The following APLP2 variants were observed in gnomAD, a reference collection of about 807,000 sequenced individuals.
APLP2 encodes CDEI box-binding protein.
In APLP2, 53 loss-of-function variants were observed where a neutral mutation model predicts 89.9. The observed-to-expected ratio is 0.59, with a 90% CI of 0.47 to 0.74. The LOEUF is 0.74. Among genes scored for constraint, APLP2 ranks in the 30% least tolerant of loss-of-function variants. The pLI, the probability that APLP2 is intolerant of heterozygous loss-of-function variation, is 0.00. For synonymous variants in APLP2, 372 were observed against 348.6 expected, an observed-to-expected ratio of 1.07 and a Z score of -0.75; for missense variants, 973 against 975.9, an observed-to-expected ratio of 1.00 and a Z score of 0.04.
At chr11:130,104,815 G>A (rs542782540) in intron 1 of APLP2, among the ~76,000 whole-genome samples, 4 of 152,260 alleles carry the variant, frequency 2.6e-5, no homozygotes, top group Admixed American at 6.5e-5. Flanking sequence ...CTAATTGTTT[G>A]TTGGGTTTAA....
chr11:130,123,479 G>A lies in APLP2; in HGVS notation c.923-133G>A. On this transcript the variant is annotated intron_variant, in intron 6 of 16. Transcript: ENST00000338167. This position sits in a 1 kb window ranked among gnomAD's most constrained non-coding sequence, Gnocchi z 4.0. ...AGGCTGGCCTGAGCTGGAGCTTTCGGCCACCGGGCCTCCAGGCTCCGTCCA... is the reference window on the plus strand; with the variant it reads ...AGGCTGGCCTGAGCTGGAGCTTTCGACCACCGGGCCTCCAGGCTCCGTCCA... 1 of 943,818 alleles carries A rather than the reference G, an allele frequency of 1.1e-6. No individual in the cohort carries two copies. Among genetic ancestry groups the A allele is most frequent in the Non-Finnish European group, 1.5e-6 (1 of 646,686 alleles). The allele number at this position is 943,818 out of a possible 1,614,324, so 58.5% of individuals were successfully genotyped here.
chr11:130,099,719 T>C (rs771796248), intron 1 of APLP2, among the ~76,000 whole-genome samples: 8 of 152,228 alleles, frequency 5.3e-5, no homozygotes, highest in Non-Finnish European at 1.0e-4. Flanking sequence ...TGTGCACTCT[T>C]TTAAACCCAT....
chr11:130,069,961 G>C lies in APLP2; in HGVS notation c.-17G>C, dbSNP rs1469527879. 2.7e-6 allele frequency: 4 copies of C among 1,497,098 alleles called. No individual in the cohort carries two copies. The highest frequency in any genetic ancestry group is 5.5e-5 in the East Asian group (2 of 36,228). 92.7% of individuals were successfully genotyped at this position (1,497,098 alleles called of 1,614,324 possible). On this transcript the variant is annotated 5_prime_UTR_variant, in exon 1 of 17. It removes the in-frame stop codon of an upstream open reading frame in the 5' UTR. Coordinates refer to ENST00000338167, the MANE Select transcript of APLP2 (RefSeq NM_001142276.2). ...GTGTGAGCTTGAGAGCCGCGCGCTA[G>C]AGCGACCCGGCGAGGGATGGCGGCC...
chr11:130,142,985 C>T (rs1036596575), intron 16 of APLP2, among the ~76,000 whole-genome samples: 7 of 152,258 alleles, frequency 4.6e-5, no homozygotes, highest in Non-Finnish European at 7.4e-5. Flanking sequence ...GACCAGAGAT[C>T]CCCTGGTCCC....
At chr11:130,098,988 A>G (rs188600849) in intron 1 of APLP2, among the ~76,000 whole-genome samples, 2 of 152,320 alleles carry the variant, frequency 1.3e-5, no homozygotes, top group East Asian at 1.9e-4. Context: ...TTTAGAAAAC[A>G]TATCCTTCTA....
At chr11:130,115,827 G>A (rs961495623) in intron 3 of APLP2, among the ~76,000 whole-genome samples, 3 of 152,204 alleles carry the variant, frequency 2.0e-5, no homozygotes, top group Admixed American at 6.5e-5. Flanking sequence ...TGATAGAGCG[G>A]ATGCTGGGAT....
intron 1 of APLP2, among the ~76,000 whole-genome samples, chr11:130,077,670 C>T (rs1296563638): frequency 1.3e-5 from 2 of 151,710 alleles, no homozygotes; most frequent in Non-Finnish European, 2.9e-5. Context: ...ATAAAAGCCT[C>T]ATTTGAACTT....
At chr11:130,083,038 T>C (rs982292226) in intron 1 of APLP2, among the ~76,000 whole-genome samples, 2 of 135,490 alleles carry the variant, frequency 1.5e-5, no homozygotes, top group Non-Finnish European at 3.1e-5. Flanking sequence ...TTTTTTTTTT[T>C]TTTTTTTTTT....
intron 16 of APLP2, among the ~76,000 whole-genome samples, chr11:130,142,378 G>GT (rs1479544477): frequency 6.6e-5 from 10 of 151,918 alleles, no homozygotes; most frequent in Non-Finnish European, 1.2e-4. Context: ...CTTTTTCCAG[G>GT]TATTTTTTTT....
At chr11:130,137,249 C>A in intron 13 of APLP2, 1 of 1,613,796 alleles carries the variant, frequency 6.2e-7, no homozygotes, top group Non-Finnish European at 8.5e-7. Context: ...GTTTTCCTTT[C>A]TGCTAGACAC....
At chr11:130,132,187 C>A (rs571637473) in intron 11 of APLP2, among the ~76,000 whole-genome samples, 2 of 152,270 alleles carry the variant, frequency 1.3e-5, no homozygotes, top group South Asian at 4.1e-4. Context: ...ACAACACTTG[C>A]TGAACCCGTG....
At chr11:130,094,211 G>A (rs11828417) in intron 1 of APLP2, among the ~76,000 whole-genome samples, 16,739 of 151,840 alleles carry the variant, frequency 0.11, 1,179 homozygotes, top group East Asian at 0.24. Context: ...GCGCCACCAT[G>A]CCCAGCTAAT....
chr11:130,115,127 G>A (rs577774197), intron 3 of APLP2, among the ~76,000 whole-genome samples: 2 of 151,918 alleles, frequency 1.3e-5, no homozygotes, highest in South Asian at 4.2e-4. Context: ...CTCCCACCTG[G>A]GTACAGCTTT....
chr11:130,132,401 C>T (rs1951028692), intron 11 of APLP2, among the ~76,000 whole-genome samples: 1 of 151,974 alleles, frequency 6.6e-6, no homozygotes, highest in Admixed American at 6.6e-5. Flanking sequence ...GCTTCAGGCC[C>T]ACATAATTAA....
intron 10 of APLP2, 60 bp from the exon 11 acceptor site, chr11:130,129,978 T>C (rs1950756567): frequency 6.4e-7 from 1 of 1,573,664 alleles, no homozygotes; most frequent in Non-Finnish European, 8.7e-7. Context: ...AGCTTTTGTT[T>C]TCCTGCCTAT....
At chr11:130,142,803 A>G (rs968949910) in intron 16 of APLP2, among the ~76,000 whole-genome samples, 2 of 152,066 alleles carry the variant, frequency 1.3e-5, no homozygotes, top group African/African-American at 2.4e-5. Flanking sequence ...TATTAGAGAT[A>G]GGATTTCCCC....
chr11:130,110,468 C>A (rs968791769), intron 2 of APLP2, 70 bp from the exon 3 acceptor site: 1 of 1,579,086 alleles, frequency 6.3e-7, no homozygotes, highest in Non-Finnish European at 8.6e-7. Flanking sequence ...CTTAGACACT[C>A]CATCCTTACT....
chr11:130,092,523 C>T (rs1160661818), intron 1 of APLP2, among the ~76,000 whole-genome samples: 121 of 143,790 alleles, frequency 8.4e-4, no homozygotes, highest in African/African-American at 2.6e-3. Flanking sequence ...GGCTGGAGAC[C>T]GGCCCGGCCA....
chr11:130,127,830 C>T lies in APLP2; in HGVS notation c.1286C>T (p.Thr429Ile). The T allele has an allele frequency of 1.2e-6, 2 of 1,614,006 alleles. No homozygotes were observed. The highest frequency in any genetic ancestry group is 1.7e-6 in the Non-Finnish European group (2 of 1,179,856). The change falls in exon 9 of 17, where the codon ACT (threonine) becomes ATT (isoleucine). Residue 429 changes from threonine to isoleucine, a missense_variant. Thr to Ile is a moderately conservative substitution (Grantham distance 89). Coordinates refer to ENST00000338167, the MANE Select transcript of APLP2 (RefSeq NM_001142276.2). ...AACCTCCCCAAAGCAGAGAGGCAGA[C>T]TCTGATTCAGGTAAGATGCCTTCTC... ...AKNLPKAERQ[T>I]LIQHFQAMVK...
Sources: gnomAD v4.1 joint callset for allele counts (sites outside exome capture counted in the v4.1 genomes callset) on GRCh38, gnomAD v4.1.1 for gene constraint, Gnocchi (gnomAD v3.1) non-coding constraint, MANE v1.5 for transcripts, NCBI Gene and HGNC (gene_info 2026-07-23, HGNC 2026-07-21) for gene names.